The following RHEB variants were observed in gnomAD, a reference collection of about 807,000 sequenced individuals.
RHEB encodes the protein Ras homolog, mTORC1 binding.
In RHEB, 2 loss-of-function variants were observed where a neutral mutation model predicts 28.8. The ratio of observed to expected loss-of-function variants is 0.07; its 90% CI spans 0.03 to 0.22. The LOEUF (loss-of-function observed/expected upper bound fraction) is 0.22, where lower values mean the gene tolerates loss of function less well. Among genes scored for constraint, RHEB ranks in the 10% least tolerant of loss-of-function variants. RHEB has a pLI of 1.00. For synonymous variants in RHEB, 69 were observed against 77.3 expected (o/e 0.89, Z 0.56); for missense variants, 76 against 219.9 (o/e 0.35, Z 4.14).
chr7:151,508,571 T>G (rs887359168), intron 1 of RHEB, among the ~76,000 whole-genome samples: 3 of 152,244 alleles, frequency 2.0e-5, no homozygotes, highest in Non-Finnish European at 4.4e-5. Context: ...TTAATTTCAC[T>G]TATTTCTTTT....
chr7:151,485,521 G>C (rs1388010333), intron 2 of RHEB, among the ~76,000 whole-genome samples: 1 of 152,162 alleles, frequency 6.6e-6, no homozygotes. Context: ...ACTCTGACAA[G>C]GAAGTGGAAC....
chr7:151,502,329 C>T, intron 1 of RHEB: 1 of 822,462 alleles, frequency 1.2e-6, no homozygotes. Context: ...TCACCAGTGG[C>T]AAAAATGTTA....
intron 1 of RHEB, among the ~76,000 whole-genome samples, chr7:151,495,899 C>T (rs560892430): frequency 6.6e-6 from 1 of 152,340 alleles, no homozygotes; most frequent in Admixed American, 6.5e-5. Flanking sequence ...CTGCAGTGTG[C>T]GTTGAGCGTG....
In RHEB at chr7:151,471,745, T is replaced by C. The variant is rs527861015; in HGVS notation, c.276-140A>G. 6 of 613,782 alleles carry C rather than the reference T, an allele frequency of 9.8e-6. No individual in the cohort carries two copies. The East Asian group carries it at 1.7e-4, about 17-fold the overall frequency. The allele number at this position is 613,782 out of a possible 1,614,324, so 38.0% of individuals were successfully genotyped here. On this transcript the variant is annotated intron_variant, in intron 4 of 7. Coordinates refer to ENST00000262187, the MANE Select transcript of RHEB (RefSeq NM_005614.4). ...ACATAAAATGAACACAAAGAACTCC[T>C]GTTTTTTCCTAGCAATCCATTCACA... is the stretch of plus-strand genomic sequence containing the variant.
chr7:151,513,635 C>A lies in RHEB; in HGVS notation c.52+5825G>T, dbSNP rs138600461. 2.1e-3 allele frequency among the ~76,000 whole-genome samples: 313 copies of A among 152,300 alleles called. 1 individual carries two copies. In the Middle Eastern group the frequency reaches 0.034, roughly 17 times the overall value. Reference sequence around the variant, plus strand: ...CCATTCCAAGTATAAAGCAGACCTGCGGAGTTGGGCAAATTCATCAATATG... The same window carrying A: ...CCATTCCAAGTATAAAGCAGACCTGAGGAGTTGGGCAAATTCATCAATATG... On this transcript the variant is annotated intron_variant, in intron 1 of 7. Coordinates refer to ENST00000262187, the MANE Select transcript of RHEB (RefSeq NM_005614.4).
At chr7:151,490,467 T>C (rs562525213) in intron 2 of RHEB, among the ~76,000 whole-genome samples, 1 of 152,294 alleles carries the variant, frequency 6.6e-6, no homozygotes, top group Admixed American at 6.5e-5. Flanking sequence ...AACTGCTCTA[T>C]CCAATCCCAG....
chr7:151,474,325 C>T (rs951956987), intron 4 of RHEB, among the ~76,000 whole-genome samples: 6 of 152,046 alleles, frequency 3.9e-5, no homozygotes, highest in Admixed American at 2.6e-4. Flanking sequence ...GGATTACAGG[C>T]ACCCGCCACC....
chr7:151,470,708 T>C, intron 6 of RHEB, 56 bp from the exon 7 acceptor site: 2 of 1,200,142 alleles, frequency 1.7e-6, no homozygotes, highest in African/African-American at 1.5e-5. Context: ...ATATAAAACA[T>C]GTATAATTGA....
intron 5 of RHEB, 30 bp downstream of exon 5, chr7:151,471,519 C>A (rs757218649): frequency 6.3e-7 from 1 of 1,577,854 alleles, no homozygotes; most frequent in Non-Finnish European, 8.7e-7. Context: ...AGAAGTTTCT[C>A]TAACAAGCAG....
intron 1 of RHEB, among the ~76,000 whole-genome samples, chr7:151,494,634 A>G (rs2150931186): frequency 6.6e-6 from 1 of 152,380 alleles, no homozygotes; most frequent in South Asian, 2.1e-4. Flanking sequence ...GGATACCAGA[A>G]TTTAAAACGT....
At chr7:151,506,644 T>C (rs1213836148) in intron 1 of RHEB, among the ~76,000 whole-genome samples, 1 of 152,328 alleles carries the variant, frequency 6.6e-6, no homozygotes, top group East Asian at 1.9e-4. Flanking sequence ...TAAATTAACC[T>C]GAAAGATGAC....
At chr7:151,517,942 A>C (rs190044582) in intron 1 of RHEB, 1 of 152,308 alleles carries the variant, frequency 6.6e-6, no homozygotes, top group South Asian at 2.1e-4. Context: ...CGCGGTCCCA[A>C]CTCCTCAAAA....
chr7:151,485,015 C>T (rs1202099767), intron 2 of RHEB, among the ~76,000 whole-genome samples: 1 of 152,116 alleles, frequency 6.6e-6, no homozygotes, highest in African/African-American at 2.4e-5. Context: ...TAAAATCAAG[C>T]TTGGTAAACC....
At chr7:151,514,753 G>T (rs895695272) in intron 1 of RHEB, among the ~76,000 whole-genome samples, 4 of 152,148 alleles carry the variant, frequency 2.6e-5, no homozygotes, top group Admixed American at 2.6e-4. Context: ...TAGCCAGAAA[G>T]TAGAGCTCCA....
At chr7:151,491,051 T>C (rs759423145) in intron 1 of RHEB, 37 bp from the exon 2 acceptor site, 1 of 1,500,658 alleles carries the variant, frequency 6.7e-7, no homozygotes, top group Non-Finnish European at 9.1e-7. Context: ...TGTGTTGGCA[T>C]ATGAAGGTAA....
chr7:151,467,312 CTGGTG>C, intron 7 of RHEB, 101 bp from the exon 8 acceptor site: 1 of 839,930 alleles, frequency 1.2e-6, no homozygotes, highest in Non-Finnish European at 2.0e-6. Flanking sequence ...TGCCCTCCTA[CTGGTG>C]GAGGAGGAGG....
intron 7 of RHEB, among the ~76,000 whole-genome samples, chr7:151,467,770 C>T (rs569535128): frequency 2.0e-5 from 3 of 152,310 alleles, no homozygotes; most frequent in Non-Finnish European, 2.9e-5. Context: ...TCCTCTCCTG[C>T]CCGTCTTCCT....
At chr7:151,506,327 G>A (rs1802879223) in intron 1 of RHEB, among the ~76,000 whole-genome samples, 1 of 151,898 alleles carries the variant, frequency 6.6e-6, no homozygotes, top group Non-Finnish European at 1.5e-5. Flanking sequence ...TGGGATTACA[G>A]GTGTGTGTCA....
At chr7:151,486,016 T>C (rs1424673008) in intron 2 of RHEB, among the ~76,000 whole-genome samples, 1 of 152,222 alleles carries the variant, frequency 6.6e-6, no homozygotes, top group Non-Finnish European at 1.5e-5. Flanking sequence ...ATACCCAATA[T>C]AACCTATTTC....
Sources: allele counts gnomAD v4.1 joint callset (sites outside exome capture counted in the v4.1 genomes callset), GRCh38; gene constraint gnomAD v4.1.1; transcripts MANE v1.5; gene names NCBI Gene and HGNC (gene_info 2026-07-23, HGNC 2026-07-21).